BRMS1L: variants seen among roughly 807,000 people sequenced by gnomAD.
The protein encoded by BRMS1L is BRMS1 like transcriptional repressor.
In BRMS1L, 23 loss-of-function variants were observed where a neutral mutation model predicts 50.3. That is an observed-to-expected ratio of 0.46 (90% confidence interval 0.33 to 0.65). The LOEUF is 0.65. BRMS1L is among the 30% of genes least tolerant of loss of function. BRMS1L has a pLI of 0.02. For missense variants in BRMS1L, 286 were observed against 386.1 expected (o/e 0.74, Z 2.17); for synonymous variants, 114 against 126.9 (o/e 0.90, Z 0.69).
intron 4 of BRMS1L, among the ~76,000 whole-genome samples, chr14:35,843,224 G>T (rs750853526): frequency 1.9e-4 from 29 of 152,178 alleles, no homozygotes; most frequent in Non-Finnish European, 3.2e-4. Flanking sequence ...TCCCTTGCTG[G>T]TGAGGAGTTG....
At chr14:35,828,360 G>T (rs1026077448) in intron 1 of BRMS1L, among the ~76,000 whole-genome samples, 1 of 151,062 alleles carries the variant, frequency 6.6e-6, no homozygotes, top group African/African-American at 2.4e-5. Context: ...TTTTAGTAGA[G>T]ACAGGGTTTC....
intron 4 of BRMS1L, among the ~76,000 whole-genome samples, chr14:35,855,916 G>T (rs1015519831): frequency 1.3e-5 from 2 of 152,164 alleles, no homozygotes; most frequent in African/African-American, 4.8e-5. Context: ...TTTGCTCAGG[G>T]TCACACAATT....
chr14:35,844,288 T>C (rs1209778347), intron 4 of BRMS1L, among the ~76,000 whole-genome samples: 1 of 152,148 alleles, frequency 6.6e-6, no homozygotes, highest in Non-Finnish European at 1.5e-5. Flanking sequence ...TGCTCAGTTT[T>C]GTGCTTGAAA....
In BRMS1L at chr14:35,852,930, CA is replaced by C. The variant is rs879861236; in HGVS notation, c.442-9646del. 3.3e-3 allele frequency among the ~76,000 whole-genome samples: 451 copies of C among 138,200 alleles called. 2 individuals are homozygous for C. Among genetic ancestry groups the C allele is most frequent in the African/African-American group, 7.4e-3 (279 of 37,762 alleles). The allele number at this position is 138,200 out of a possible 152,430, so 90.7% of individuals were successfully genotyped here. On this transcript the variant is annotated intron_variant, in intron 4 of 9. Transcript: ENST00000216807. The stretch of plus-strand genomic sequence containing the variant: ...TGGGCGAAAGAGCGAGGCTCCGTCT[CA>C]AAAAAAAAAAAAATTTCTAATATCA...
In BRMS1L at chr14:35,863,901, A is replaced by G. The variant is rs2078385954; in HGVS notation, c.570A>G (p.Lys190=). 2 of 1,614,044 alleles carry G rather than the reference A, an allele frequency of 1.2e-6. No individual in the cohort carries two copies. Among genetic ancestry groups the G allele is most frequent in the Non-Finnish European group, 1.7e-6 (2 of 1,179,970 alleles). The change falls in exon 6 of 10, where the codon AAA becomes AAG. Residue 190 remains lysine (K), a synonymous_variant. Transcript: ENST00000216807. The part of the protein sequence containing the change: ...ELWNDELQSR[K]KRKDPFSPDK... ...GGAATGATGAGCTTCAGTCAAGAAA[A>G]AAGAGGAAGGATCCTTTCAGTCCTG...
At chr14:35,841,661 G>T (rs915848274) in intron 4 of BRMS1L, among the ~76,000 whole-genome samples, 2 of 152,148 alleles carry the variant, frequency 1.3e-5, no homozygotes, top group Admixed American at 1.3e-4. Context: ...TGTTGATTTG[G>T]GGTGGAGAGT....
At chr14:35,850,738 T>C (rs187117719) in intron 4 of BRMS1L, among the ~76,000 whole-genome samples, 1 of 152,350 alleles carries the variant, frequency 6.6e-6, no homozygotes, top group Admixed American at 6.5e-5. Context: ...TAATCTGCTT[T>C]GATTTTATTT....
At position 35,826,390 on chromosome 14, in the gene BRMS1L, CGGGGA is replaced by C; in HGVS notation, c.-124_-120del. Reference sequence around the variant, plus strand: ...TAGGTTGTGAGGCCCGGGCCGGGGGCGGGGAGGAGCCAAGGGGGCGAGCAAGCTCG... The same window carrying C: ...TAGGTTGTGAGGCCCGGGCCGGGGGCGGAGCCAAGGGGGCGAGCAAGCTCG... On this transcript the variant is annotated 5_prime_UTR_variant, in exon 1 of 10. Transcript: ENST00000216807. The C allele has an allele frequency of 1.4e-6, 2 of 1,387,514 alleles. No homozygotes were observed. Among genetic ancestry groups the C allele is most frequent in the Non-Finnish European group, 2.0e-6 (2 of 1,019,752 alleles). 86.0% of individuals were successfully genotyped at this position (1,387,514 alleles called of 1,614,324 possible). A position where few individuals can be genotyped will look rare whatever the true frequency, so the allele number is the denominator to read the frequency against.
At chr14:35,832,070 C>T (rs940661210) in intron 2 of BRMS1L, among the ~76,000 whole-genome samples, 3 of 152,100 alleles carry the variant, frequency 2.0e-5, no homozygotes, top group African/African-American at 7.2e-5. Context: ...CCTCCTGCCC[C>T]ATTTTTGAGT....
At chr14:35,858,415 T>G (rs140004401) in intron 4 of BRMS1L, among the ~76,000 whole-genome samples, 18 of 152,248 alleles carry the variant, frequency 1.2e-4, no homozygotes, top group African/African-American at 4.1e-4. Context: ...CATCTTATTT[T>G]CTCCTTAAGT....
chr14:35,842,140 T>C (rs2078074829), intron 4 of BRMS1L, among the ~76,000 whole-genome samples: 1 of 152,242 alleles, frequency 6.6e-6, no homozygotes, highest in African/African-American at 2.4e-5. Flanking sequence ...AGTTTGCCTG[T>C]CTGTGTCTTT....
At chr14:35,860,926 AT>A (rs1389480720) in intron 4 of BRMS1L, among the ~76,000 whole-genome samples, 1 of 152,188 alleles carries the variant, frequency 6.6e-6, no homozygotes, top group Non-Finnish European at 1.5e-5. Flanking sequence ...TATGAGTAGT[AT>A]TTTTTTAAAA....
intron 6 of BRMS1L, among the ~76,000 whole-genome samples, chr14:35,864,661 T>G (rs917326168): frequency 6.6e-6 from 1 of 152,168 alleles, no homozygotes; most frequent in African/African-American, 2.4e-5. Flanking sequence ...TACCCCCATC[T>G]TTTCCCCTCC....
chr14:35,839,923 A>G (rs2078041232), intron 4 of BRMS1L, among the ~76,000 whole-genome samples: 1 of 152,154 alleles, frequency 6.6e-6, no homozygotes, highest in Non-Finnish European at 1.5e-5. Flanking sequence ...ACGAGTGGTG[A>G]GAGAGGACAT....
rs141830872 is a variant in BRMS1L at position 35,865,757 on chromosome 14, G to A, written c.723G>A (p.Thr241=). ...CATTGGGGCCACACAGAGTGAAAAC[G>A]GAACGTAAGTCATTTAGTCTGAGTT... is the stretch of plus-strand genomic sequence containing the variant. ...MATLGPHRVK[T]EPPVKLEKHL... The change falls in exon 8 of 10, where the codon ACG becomes ACA. Residue 241 remains threonine (T), a synonymous_variant. Transcript: ENST00000216807. 1.0e-5 allele frequency: 16 copies of A among 1,600,318 alleles called. No homozygotes were observed. The highest frequency in any genetic ancestry group is 1.4e-5 in the African/African-American group (1 of 73,598).
chr14:35,861,701 CAAGAG>C (rs1461069272), intron 4 of BRMS1L, among the ~76,000 whole-genome samples: 3 of 152,160 alleles, frequency 2.0e-5, no homozygotes, highest in Admixed American at 6.5e-5. Flanking sequence ...ATTTCAGACT[CAAGAG>C]AGAGGGCTTC....
intron 1 of BRMS1L, among the ~76,000 whole-genome samples, chr14:35,831,155 A>G (rs1040679153): frequency 2.0e-5 from 3 of 151,798 alleles, no homozygotes; most frequent in African/African-American, 7.3e-5. Flanking sequence ...GCCCAGGCTG[A>G]TCTTGAAGTC....
chr14:35,841,059 C>G (rs1034061672), intron 4 of BRMS1L, among the ~76,000 whole-genome samples: 1 of 152,116 alleles, frequency 6.6e-6, no homozygotes, highest in African/African-American at 2.4e-5. Context: ...TGTCTTTGTT[C>G]TCACTGGTTT....
chr14:35,854,413 G>A (rs1249999736), intron 4 of BRMS1L, among the ~76,000 whole-genome samples: 2 of 152,156 alleles, frequency 1.3e-5, no homozygotes, highest in Admixed American at 6.5e-5. Flanking sequence ...GCAGTCATTC[G>A]TCGATAAGCT....
Sources: allele counts gnomAD v4.1 joint callset (sites outside exome capture counted in the v4.1 genomes callset), GRCh38; gene constraint gnomAD v4.1.1; transcripts MANE v1.5; gene names NCBI Gene and HGNC (gene_info 2026-07-23, HGNC 2026-07-21).